The following DOCK1 variants were observed in gnomAD, a reference collection of about 807,000 sequenced individuals.
DOCK1 encodes the protein dedicator of cytokinesis protein 1.
Under a neutral mutation model 262.7 loss-of-function variants are expected in DOCK1, and 138 were observed. The observed-to-expected ratio is 0.53, with a 90% confidence interval of 0.46 to 0.61. The LOEUF (loss-of-function observed/expected upper bound fraction) is 0.61, where lower values mean the gene tolerates loss of function less well. Among genes scored for constraint, DOCK1 ranks in the 20% least tolerant of loss-of-function variants. DOCK1 has a pLI of 0.00. For missense variants in DOCK1, 1,908 were observed against 2,370.7 expected, an observed-to-expected ratio of 0.80 and a Z score of 4.05; for synonymous variants, 866 against 867.4, an observed-to-expected ratio of 1.00 and a Z score of 0.03.
chr10:127,251,165 C>G (rs1452228329), intron 28 of DOCK1, among the ~76,000 whole-genome samples: 2 of 151,892 alleles, frequency 1.3e-5, no homozygotes, highest in African/African-American at 4.8e-5. Flanking sequence ...TGGGGTTTCT[C>G]TATGTTGGTC....
chr10:127,270,874 C>A (rs913468263), intron 29 of DOCK1, among the ~76,000 whole-genome samples: 1 of 152,132 alleles, frequency 6.6e-6, no homozygotes. Flanking sequence ...GTGTTAAACT[C>A]GCCTTTCCTT....
chr10:127,401,893 G>A (rs556901509), intron 38 of DOCK1, among the ~76,000 whole-genome samples: 1 of 152,044 alleles, frequency 6.6e-6, no homozygotes, highest in African/African-American at 2.4e-5. Flanking sequence ...ATCTTTTTTT[G>A]TGCAGCAGGC....
intron 27 of DOCK1, among the ~76,000 whole-genome samples, chr10:127,143,866 G>A (rs531007481): frequency 3.3e-5 from 5 of 152,182 alleles, no homozygotes; most frequent in African/African-American, 4.8e-5. Flanking sequence ...ACACATCTCC[G>A]TGTGCATATC....
At chr10:127,144,306 C>G (rs921263648) in intron 27 of DOCK1, among the ~76,000 whole-genome samples, 5 of 152,186 alleles carry the variant, frequency 3.3e-5, no homozygotes, top group African/African-American at 1.2e-4. Flanking sequence ...CACCCTCCCC[C>G]CTGCCTCATC....
At chr10:127,451,072 C>A (rs1006324731) in intron 51 of DOCK1, among the ~76,000 whole-genome samples, 1 of 152,126 alleles carries the variant, frequency 6.6e-6, no homozygotes, top group Non-Finnish European at 1.5e-5. Flanking sequence ...AAAGGCCACG[C>A]AAAGGGCAAT....
Position 127,410,880 on chromosome 10 carries a change from C to T in DOCK1, c.4384C>T (p.Arg1462Trp). 6.2e-7 allele frequency: 1 copy of T among 1,613,792 alleles called. No homozygotes were observed. The highest frequency in any genetic ancestry group is 8.5e-7 in the Non-Finnish European group (1 of 1,179,864). Residue 1462 changes from arginine to tryptophan, a missense_variant, in exon 43 of 52, where the codon CGG (arginine) becomes TGG (tryptophan). By Grantham distance (101) the Arg-to-Trp change is moderately radical. This residue lies in a region of DOCK1 where 267 missense variants were observed against 366.3 expected (regional missense o/e 0.73). Transcript: ENST00000623213. Reference protein sequence around the residue: ...VNEVQRFEYSRPIRKGEKNPD... With the variant: ...VNEVQRFEYSWPIRKGEKNPD... ...CGAGGTCCAGCGATTTGAATATTCTCGGCCAATCCGGAAGGGAGAGAAAAA... is the reference window on the plus strand; with the variant it reads ...CGAGGTCCAGCGATTTGAATATTCTTGGCCAATCCGGAAGGGAGAGAAAAA...
chr10:127,444,839 C>A (rs1343543493), intron 50 of DOCK1, among the ~76,000 whole-genome samples: 1 of 151,972 alleles, frequency 6.6e-6, no homozygotes. Context: ...CAAGGGAGAG[C>A]CTGTCCCGGG....
chr10:127,326,772 C>G (rs1356469027), intron 29 of DOCK1, among the ~76,000 whole-genome samples: 1 of 152,170 alleles, frequency 6.6e-6, no homozygotes, highest in South Asian at 2.1e-4. Context: ...TCTCTGGCAG[C>G]TATAGCCTTA....
At chr10:127,326,655 T>C (rs759910099) in intron 29 of DOCK1, among the ~76,000 whole-genome samples, 1 of 152,250 alleles carries the variant, frequency 6.6e-6, no homozygotes, top group South Asian at 2.1e-4. Context: ...GTTGATATTT[T>C]GACCTCCTCC....
At chr10:127,177,916 C>T (rs1004008072) in intron 27 of DOCK1, among the ~76,000 whole-genome samples, 7 of 152,206 alleles carry the variant, frequency 4.6e-5, no homozygotes, top group African/African-American at 1.7e-4. Context: ...TTTTCGGTGT[C>T]ACACAGGAAA....
chr10:127,302,267 G>T (rs2061707126), intron 29 of DOCK1, among the ~76,000 whole-genome samples: 1 of 152,118 alleles, frequency 6.6e-6, no homozygotes, highest in Non-Finnish European at 1.5e-5. Context: ...CTGTTGGGGA[G>T]GTAGGAAGGT....
intron 5 of DOCK1, among the ~76,000 whole-genome samples, chr10:126,989,915 C>T (rs2134992449): frequency 6.6e-6 from 1 of 152,270 alleles, no homozygotes; most frequent in Middle Eastern, 3.4e-3. Flanking sequence ...GGGTTGTACA[C>T]ACCACAGTGT....
intron 23 of DOCK1, among the ~76,000 whole-genome samples, chr10:127,074,007 C>T (rs1348416239): frequency 6.6e-6 from 1 of 152,006 alleles, no homozygotes; most frequent in African/African-American, 2.4e-5. Context: ...TTAAATATGT[C>T]CCAGGAAACG....
chr10:126,950,502 C>G (rs2036117968), intron 1 of DOCK1, among the ~76,000 whole-genome samples: 1 of 152,080 alleles, frequency 6.6e-6, no homozygotes, highest in Non-Finnish European at 1.5e-5. Flanking sequence ...GGAATAAGGG[C>G]AATGGGGCCT....
At chr10:127,249,850 AAGT>A (rs2059565417) in intron 28 of DOCK1, among the ~76,000 whole-genome samples, 1 of 152,238 alleles carries the variant, frequency 6.6e-6, no homozygotes, top group African/African-American at 2.4e-5. Flanking sequence ...CTCTAAATAA[AAGT>A]AAGGGAACAA....
intron 31 of DOCK1, among the ~76,000 whole-genome samples, chr10:127,346,357 G>A (rs1323795707): frequency 6.6e-6 from 1 of 152,220 alleles, no homozygotes; most frequent in Non-Finnish European, 1.5e-5. Context: ...CACTTTGGAA[G>A]GCCAAGATGG....
At chr10:127,371,351 T>G (rs1042505407) in intron 33 of DOCK1, among the ~76,000 whole-genome samples, 6 of 152,240 alleles carry the variant, frequency 3.9e-5, no homozygotes, top group Non-Finnish European at 7.3e-5. Context: ...TGTTGTGATT[T>G]ACTTACCACT....
intron 23 of DOCK1, among the ~76,000 whole-genome samples, chr10:127,071,205 G>C (rs1018667376): frequency 6.6e-6 from 1 of 152,146 alleles, no homozygotes; most frequent in African/African-American, 2.4e-5. Flanking sequence ...GCAGAGGGTT[G>C]GGTAGTCTGG....
At position 127,259,371 on chromosome 10, in the gene DOCK1, T is replaced by G. The variant is rs147824813; in HGVS notation, c.3044+1942T>G. Among the ~76,000 whole-genome samples, 1,406 of 152,378 alleles carry G rather than the reference T, an allele frequency of 9.2e-3. 10 individuals carry two copies. The highest frequency in any genetic ancestry group is 0.015 in the Non-Finnish European group (987 of 68,040). On this transcript the variant is annotated intron_variant, in intron 29 of 51. Coordinates refer to ENST00000623213, the MANE Select transcript of DOCK1 (RefSeq NM_001290223.2). ...ACTTTTGTGATTGACAGTCTAGATTTCCTCTGAAGAGCTCTAGAGCGTTGT... is the reference window on the plus strand; with the variant it reads ...ACTTTTGTGATTGACAGTCTAGATTGCCTCTGAAGAGCTCTAGAGCGTTGT...
Sources: allele counts gnomAD v4.1 joint callset (sites outside exome capture counted in the v4.1 genomes callset), GRCh38; gene constraint gnomAD v4.1.1; regional missense constraint gnomAD v4.1.1; transcripts MANE v1.5; gene names NCBI Gene and HGNC (gene_info 2026-07-23, HGNC 2026-07-21).